Variants in MAML3 observed in about 807,000 individuals in gnomAD.
MAML3 encodes mastermind-like protein 3.
In MAML3, 27 loss-of-function variants were observed where a neutral mutation model predicts 101.9. That is an observed-to-expected ratio of 0.27 (90% CI 0.20 to 0.37). The LOEUF is 0.37. Among genes scored for constraint, MAML3 ranks in the 10% least tolerant of loss-of-function variants. The pLI is 1.00. For missense variants in MAML3, 1,316 were observed against 1,444.9 expected, an observed-to-expected ratio of 0.91 and a Z score of 1.45; for synonymous variants, 501 against 555.9, an observed-to-expected ratio of 0.90 and a Z score of 1.39.
intron 1 of MAML3, among the ~76,000 whole-genome samples, chr4:140,075,112 C>T (rs1365469252): frequency 1.3e-5 from 2 of 152,122 alleles, no homozygotes; most frequent in African/African-American, 4.8e-5. Flanking sequence ...TGCTTTAGAT[C>T]TATCATCTCA....
At chr4:139,738,360 A>G (rs996297472) in intron 2 of MAML3, among the ~76,000 whole-genome samples, 1 of 152,226 alleles carries the variant, frequency 6.6e-6, no homozygotes. Context: ...CCTGGCCAAC[A>G]TGGTGAAACC....
At chr4:139,886,705 A>G (rs2111193488) in intron 2 of MAML3, among the ~76,000 whole-genome samples, 1 of 152,336 alleles carries the variant, frequency 6.6e-6, no homozygotes, top group South Asian at 2.1e-4. Flanking sequence ...TATCATAAGT[A>G]ACACCATGAG....
chr4:139,995,680 C>T (rs1056702072), intron 1 of MAML3, among the ~76,000 whole-genome samples: 3 of 152,056 alleles, frequency 2.0e-5, no homozygotes, highest in Non-Finnish European at 4.4e-5. Flanking sequence ...TAGTATGGCT[C>T]ATTTTTCATT....
intron 1 of MAML3, among the ~76,000 whole-genome samples, chr4:140,101,113 G>A (rs1431365867): frequency 6.6e-6 from 1 of 152,104 alleles, no homozygotes; most frequent in East Asian, 1.9e-4. Flanking sequence ...TAACAGCAAG[G>A]GACCAGAGTC....
At chr4:139,841,896 T>C (rs557346148) in intron 2 of MAML3, among the ~76,000 whole-genome samples, 79 of 152,306 alleles carry the variant, frequency 5.2e-4, no homozygotes, top group Non-Finnish European at 9.7e-4. Flanking sequence ...ATGTTCCCTC[T>C]AATAAAGAGA....
intron 1 of MAML3, among the ~76,000 whole-genome samples, chr4:139,906,000 A>G (rs1253462018): frequency 2.0e-5 from 3 of 152,222 alleles, no homozygotes; most frequent in Non-Finnish European, 4.4e-5. Flanking sequence ...CAAACAGACA[A>G]TGCCATCCTT....
intron 1 of MAML3, among the ~76,000 whole-genome samples, chr4:139,931,117 A>G (rs944971135): frequency 6.6e-5 from 10 of 152,114 alleles, no homozygotes; most frequent in African/African-American, 9.7e-5. Context: ...TGACTGTACA[A>G]TTTGTGAGCC....
intron 1 of MAML3, among the ~76,000 whole-genome samples, chr4:139,918,481 C>T (rs1733066577): frequency 6.6e-6 from 1 of 152,214 alleles, no homozygotes; most frequent in Non-Finnish European, 1.5e-5. Flanking sequence ...GCTCACATCT[C>T]TCCCCAGAAA....
At chr4:139,902,942 GACA>G (rs906657150) in intron 1 of MAML3, among the ~76,000 whole-genome samples, 4 of 152,132 alleles carry the variant, frequency 2.6e-5, no homozygotes, top group Non-Finnish European at 5.9e-5. Flanking sequence ...GAAGCTAAAA[GACA>G]ACAAGACTTC....
intron 1 of MAML3, among the ~76,000 whole-genome samples, chr4:140,135,238 T>C (rs762191874): frequency 6.6e-6 from 1 of 152,236 alleles, no homozygotes; most frequent in Non-Finnish European, 1.5e-5. Flanking sequence ...AAAAACCACA[T>C]AGACGAATAC....
chr4:140,067,787 G>C (rs1351654347), intron 1 of MAML3, among the ~76,000 whole-genome samples: 4 of 146,048 alleles, frequency 2.7e-5, no homozygotes, highest in Admixed American at 6.9e-5. Context: ...TGGCTGGAGT[G>C]CAACAGCACG....
chr4:139,909,836 CAAAAAAAAAA>C (rs11379402), intron 1 of MAML3, among the ~76,000 whole-genome samples: 1 of 58,730 alleles, frequency 1.7e-5, no homozygotes, highest in Non-Finnish European at 3.1e-5. Flanking sequence ...GATGCCGTCT[CAAAAAAAAAA>C]AAAAAAAAAA....
chr4:140,047,555 T>C (rs1727202205), intron 1 of MAML3, among the ~76,000 whole-genome samples: 3 of 152,184 alleles, frequency 2.0e-5, no homozygotes, highest in Non-Finnish European at 4.4e-5. Context: ...AGCACAGGGC[T>C]GAGCACAAAA....
intron 1 of MAML3, among the ~76,000 whole-genome samples, chr4:140,143,064 T>G (rs1729001284): frequency 6.6e-6 from 1 of 152,278 alleles, no homozygotes; most frequent in Admixed American, 6.5e-5. Context: ...ACAAAGCATC[T>G]GACGCCCTTA....
At chr4:140,028,406 CCAGT>C (rs1726859506) in intron 1 of MAML3, among the ~76,000 whole-genome samples, 1 of 152,156 alleles carries the variant, frequency 6.6e-6, no homozygotes, top group Admixed American at 6.5e-5. Context: ...AGTCTTTACT[CCAGT>C]GTCTGTCTGT....
chr4:140,096,893 A>C (rs1373373610), intron 1 of MAML3, among the ~76,000 whole-genome samples: 1 of 24,296 alleles, frequency 4.1e-5, no homozygotes, highest in Non-Finnish European at 2.0e-4. Context: ...ATTTCTATCA[A>C]GGTGATTTTT....
rs1040933336 is a variant in MAML3 at position 139,883,556 on chromosome 4, G to A, written c.2079+5801C>T. On this transcript the variant is annotated intron_variant, in intron 2 of 4. Transcript: ENST00000509479. ...GGGAAGAGAAAGAGAGAGACTGTGT[G>A]TGGGGGGGTTGTGTATGTTTGTCAG... is the stretch of plus-strand genomic sequence containing the variant. Among the ~76,000 whole-genome samples, 8 of 152,290 alleles carry A rather than the reference G, an allele frequency of 5.3e-5. No individual in the cohort carries two copies. The South Asian group carries it at 1.4e-3, about 28-fold the overall frequency.
intron 1 of MAML3, among the ~76,000 whole-genome samples, chr4:140,041,040 C>T (rs1727077783): frequency 6.6e-6 from 1 of 152,030 alleles, no homozygotes. Context: ...AATGATTTGA[C>T]TGTGAACATT....
At chr4:139,808,714 A>G (rs372792814) in intron 2 of MAML3, among the ~76,000 whole-genome samples, 8 of 152,254 alleles carry the variant, frequency 5.3e-5, no homozygotes, top group African/African-American at 1.4e-4. Context: ...TCCCCTCCCA[A>G]ACTGTACTCA....
Sources: gnomAD v4.1 joint callset for allele counts (sites outside exome capture counted in the v4.1 genomes callset) on GRCh38, gnomAD v4.1.1 for gene constraint, MANE v1.5 for transcripts, NCBI Gene and HGNC (gene_info 2026-07-23, HGNC 2026-07-21) for gene names.